DLGAP4: variants seen among roughly 807,000 people sequenced by gnomAD.
DLGAP4 encodes disks large-associated protein 4.
DLGAP4 carries 18 observed loss-of-function variants against 86.9 expected under a neutral mutation model. The observed-to-expected ratio is 0.21, with a 90% CI of 0.14 to 0.31. The LOEUF is 0.31. Among genes scored for constraint, DLGAP4 ranks in the 10% least tolerant of loss-of-function variants. The probability of loss-of-function intolerance (pLI) is 1.00; values close to 1 mark genes in which losing one functional copy is unlikely to be tolerated. For synonymous variants in DLGAP4, 548 were observed against 574.3 expected, an observed-to-expected ratio of 0.95 and a Z score of 0.65; for missense variants, 1,085 against 1,362.6, an observed-to-expected ratio of 0.80 and a Z score of 3.21.
At chr20:36,490,460 AGAGG>A (rs1487998913) in intron 7 of DLGAP4, among the ~76,000 whole-genome samples, 2 of 152,230 alleles carry the variant, frequency 1.3e-5, no homozygotes, top group African/African-American at 4.8e-5. Flanking sequence ...GCTGGCTGGG[AGAGG>A]GAGTGGGATC....
chr20:36,317,249 TTCTTTC>T (rs2065111588), intron 1 of DLGAP4, among the ~76,000 whole-genome samples: 4 of 56,012 alleles, frequency 7.1e-5, no homozygotes, highest in Non-Finnish European at 1.2e-4. Flanking sequence ...CTTTCTTTCT[TTCTTTC>T]TTTCTTTCTT....
At chr20:36,518,001 G>C (rs1038263083) in intron 10 of DLGAP4, among the ~76,000 whole-genome samples, 1 of 152,134 alleles carries the variant, frequency 6.6e-6, no homozygotes, top group African/African-American at 2.4e-5. Flanking sequence ...AAGGTGGACA[G>C]CTCACGGTCA....
chr20:36,461,408 G>T, intron 7 of DLGAP4: 1 of 964,696 alleles, frequency 1.0e-6, no homozygotes, highest in Non-Finnish European at 1.2e-6. Context: ...CGGCTGACGC[G>T]GGGGGCGGGG....
chr20:36,335,577 G>A lies in DLGAP4; in HGVS notation c.-304+29065G>A, dbSNP rs1482542020. ...GAGGCTGTGTGTCTGAGCCTAGCAC[G>A]TGGTAGATGCTCCGGACACAGCTGC... On this transcript the variant is annotated intron_variant, in intron 1 of 12. Transcript: ENST00000339266. Among the ~76,000 whole-genome samples, 4 of 152,178 alleles carry A rather than the reference G, an allele frequency of 2.6e-5. No individual in the cohort carries two copies. In the East Asian group the frequency reaches 7.7e-4, roughly 29 times the overall value.
At chr20:36,347,050 C>CTT (rs1223742199) in intron 1 of DLGAP4, among the ~76,000 whole-genome samples, 11 of 152,198 alleles carry the variant, frequency 7.2e-5, no homozygotes, top group African/African-American at 2.7e-4. Context: ...CTTCCTGAAG[C>CTT]TTTGCCTGTG....
chr20:36,458,026 G>A (rs1025683384), intron 7 of DLGAP4, among the ~76,000 whole-genome samples: 8 of 152,166 alleles, frequency 5.3e-5, no homozygotes, highest in Admixed American at 2.6e-4. Flanking sequence ...GGCAGGAGGT[G>A]CCTGACAGGC....
At chr20:36,434,976 C>T (rs1394976007) in intron 3 of DLGAP4, among the ~76,000 whole-genome samples, 1 of 151,908 alleles carries the variant, frequency 6.6e-6, no homozygotes, top group Non-Finnish European at 1.5e-5. Context: ...AAGGTAGATA[C>T]ACGTTGAGAT....
chr20:36,312,822 G>T (rs2065064800), intron 1 of DLGAP4, among the ~76,000 whole-genome samples: 1 of 152,164 alleles, frequency 6.6e-6, no homozygotes, highest in African/African-American at 2.4e-5. Flanking sequence ...GCCTGCGGGG[G>T]CAGACAGAGG....
rs116855190 is a variant in DLGAP4 at position 36,398,651 on chromosome 20, T to C, written c.-73+31376T>C. Among the ~76,000 whole-genome samples, 189 of 152,318 alleles carry C rather than the reference T, an allele frequency of 1.2e-3. 3 individuals are homozygous for C. The East Asian group carries it at 0.029, about 23-fold the overall frequency. ...TATGTGATTGCCTCGTTTAACCCCC[T>C]TTAACAGCTCTGTGAGATAGATACC... On this transcript the variant is annotated intron_variant, in intron 2 of 12. Transcript: ENST00000339266.
intron 1 of DLGAP4, among the ~76,000 whole-genome samples, chr20:36,333,749 A>G (rs1269658599): frequency 6.6e-6 from 1 of 152,248 alleles, no homozygotes; most frequent in Non-Finnish European, 1.5e-5. Context: ...AAGCCCTTCA[A>G]GGGTGGGTCC....
chr20:36,314,048 G>T (rs992005084), intron 1 of DLGAP4, among the ~76,000 whole-genome samples: 31 of 152,220 alleles, frequency 2.0e-4, no homozygotes, highest in Middle Eastern at 6.8e-3. Context: ...GTCGGCATCT[G>T]ACACTTCCTC....
intron 7 of DLGAP4, among the ~76,000 whole-genome samples, chr20:36,491,044 A>AG (rs1330343471): frequency 6.6e-6 from 1 of 151,560 alleles, no homozygotes; most frequent in Non-Finnish European, 1.5e-5. Flanking sequence ...AAAAAAAAAA[A>AG]AAAAAAATAC....
At chr20:36,497,392 C>A (rs2035934082) in intron 8 of DLGAP4, 1 of 1,173,064 alleles carries the variant, frequency 8.5e-7, no homozygotes, top group Non-Finnish European at 1.1e-6. Flanking sequence ...CCACCCTTTG[C>A]CCTGCCAGCT....
chr20:36,485,557 G>A (rs2035375572), intron 7 of DLGAP4, among the ~76,000 whole-genome samples: 1 of 152,096 alleles, frequency 6.6e-6, no homozygotes, highest in African/African-American at 2.4e-5. Flanking sequence ...GGAAACTAAG[G>A]CCCAGAAGGG....
intron 10 of DLGAP4, among the ~76,000 whole-genome samples, chr20:36,513,279 T>C (rs866821338): frequency 1.4e-4 from 22 of 151,842 alleles, no homozygotes; most frequent in Middle Eastern, 3.4e-3. Context: ...CCGGGCGCGG[T>C]GGCTCACGCC....
At chr20:36,473,893 C>T (rs991814461) in intron 7 of DLGAP4, among the ~76,000 whole-genome samples, 2 of 152,200 alleles carry the variant, frequency 1.3e-5, no homozygotes, top group Admixed American at 1.3e-4. Flanking sequence ...GTCATATGTA[C>T]CTATAGTTAA....
chr20:36,482,610 C>CT lies in DLGAP4; in HGVS notation c.1649-14092dup, dbSNP rs1476554389. On this transcript the variant is annotated intron_variant, in intron 7 of 12. Coordinates refer to ENST00000339266, the MANE Select transcript of DLGAP4 (RefSeq NM_001365621.2). ...TTGCACTGGGCTGGAGCCGAGGCAG[C>CT]TTTGTAACTGGGCGGTTTCTCCTGC... 2.0e-5 allele frequency among the ~76,000 whole-genome samples: 3 copies of CT among 152,178 alleles called. No individual in the cohort carries two copies. In the East Asian group the frequency reaches 5.8e-4, roughly 29 times the overall value.
At chr20:36,361,134 G>A (rs1330680152) in intron 1 of DLGAP4, among the ~76,000 whole-genome samples, 1 of 152,106 alleles carries the variant, frequency 6.6e-6, no homozygotes, top group Non-Finnish European at 1.5e-5. Context: ...AGATAGAAAA[G>A]CCAGGAGTGT....
rs376751791 is a variant in DLGAP4, at chr20:36,485,932, T to C, written c.1649-10773T>C. Among the ~76,000 whole-genome samples, 16 of 152,298 alleles carry C rather than the reference T, an allele frequency of 1.1e-4. No individual in the cohort carries two copies. In the East Asian group the frequency reaches 2.9e-3, roughly 28 times the overall value. ...TTGCACTCTCATTCCCACAGCTTCA[T>C]TGCCCAGCTTCAAGCAGATTTGCTC... is the stretch of plus-strand genomic sequence containing the variant. On this transcript the variant is annotated intron_variant, in intron 7 of 12. Coordinates refer to ENST00000339266, the MANE Select transcript of DLGAP4 (RefSeq NM_001365621.2).
Sources: allele counts gnomAD v4.1 joint callset (sites outside exome capture counted in the v4.1 genomes callset), GRCh38; gene constraint gnomAD v4.1.1; transcripts MANE v1.5; gene names NCBI Gene and HGNC (gene_info 2026-07-23, HGNC 2026-07-21).